The following CDH22 variants were observed in gnomAD, a reference collection of about 807,000 sequenced individuals.
CDH22 encodes the protein cadherin-22.
In CDH22, 30 loss-of-function variants were observed where a neutral mutation model predicts 58.4. That is an observed-to-expected ratio of 0.51 (90% CI 0.38 to 0.70). The LOEUF is 0.70. Ranked by LOEUF, CDH22 falls within the 30% of genes least tolerant of loss-of-function variation. CDH22 has a pLI of 0.00. For missense variants in CDH22, 1,014 were observed against 1,233.9 expected, an observed-to-expected ratio of 0.82 and a Z score of 2.67; for synonymous variants, 513 against 558.2, an observed-to-expected ratio of 0.92 and a Z score of 1.14.
rs114781895 is a variant in CDH22 at position 46,246,604 on chromosome 20, G to A, written c.255+4436C>T. Among the ~76,000 whole-genome samples, 890 of 152,296 alleles carry A rather than the reference G, an allele frequency of 5.8e-3. 7 individuals are homozygous for A. The highest frequency in any genetic ancestry group is 0.02 in the African/African-American group (851 of 41,544). On this transcript the variant is annotated intron_variant, in intron 2 of 11. Coordinates refer to ENST00000537909, the MANE Select transcript of CDH22 (RefSeq NM_021248.3). ...GGAGAGGTGGGCCAGGGTTGCCAAT[G>A]GGGGCAGGGCCGCGGAAGGAGCTGT...
intron 1 of CDH22, among the ~76,000 whole-genome samples, chr20:46,279,421 T>G (rs2086537788): frequency 6.6e-6 from 1 of 151,976 alleles, no homozygotes; most frequent in South Asian, 2.1e-4. Context: ...TAAAATGGAG[T>G]GTATTCATCT....
chr20:46,195,079 T>G (rs1471495189), intron 8 of CDH22, among the ~76,000 whole-genome samples: 1 of 152,224 alleles, frequency 6.6e-6, no homozygotes, highest in Non-Finnish European at 1.5e-5. Flanking sequence ...TCTGGTAAAC[T>G]AAGTATGATT....
intron 1 of CDH22, among the ~76,000 whole-genome samples, chr20:46,290,498 T>C (rs960205602): frequency 6.6e-6 from 1 of 152,218 alleles, no homozygotes; most frequent in African/African-American, 2.4e-5. Context: ...GAGGATTTAT[T>C]CATTCTCTGA....
intron 1 of CDH22, among the ~76,000 whole-genome samples, chr20:46,275,159 A>G (rs1365237044): frequency 1.3e-5 from 2 of 152,204 alleles, no homozygotes; most frequent in African/African-American, 4.8e-5. Context: ...CAGTGTTTCT[A>G]TAAGGCTCTA....
rs988821119 is a variant in CDH22, at chr20:46,174,192, T to C, written c.*314A>G. 20 of 389,694 alleles carry C rather than the reference T, an allele frequency of 5.1e-5. No homozygotes were observed. The highest frequency in any genetic ancestry group is 7.3e-5 in the Non-Finnish European group (16 of 219,310). The allele number at this position is 389,694 out of a possible 1,614,324, so 24.1% of individuals were successfully genotyped here. A position where few individuals can be genotyped will look rare whatever the true frequency, so the allele number is the denominator to read the frequency against. Reference sequence around the variant, plus strand: ...TCCAGCATTCTCCCCCAGGCCAGGATTGAGTGACCCGCCCCTTCCCGACTC... The same window carrying C: ...TCCAGCATTCTCCCCCAGGCCAGGACTGAGTGACCCGCCCCTTCCCGACTC... On this transcript the variant is annotated 3_prime_UTR_variant, in exon 12 of 12. Coordinates refer to ENST00000537909, the MANE Select transcript of CDH22 (RefSeq NM_021248.3). The surrounding 1 kb of genome is among the most constrained non-coding windows in gnomAD (Gnocchi z 4.4).
chr20:46,190,306 A>C (rs1372582157), intron 8 of CDH22, among the ~76,000 whole-genome samples: 1 of 152,216 alleles, frequency 6.6e-6, no homozygotes, highest in Non-Finnish European at 1.5e-5. Flanking sequence ...GAGGGGCAGG[A>C]GTTTCCCCAC....
rs187834394 is a variant in CDH22 at position 46,239,828 on chromosome 20, G to T, written c.550+1135C>A. Among the ~76,000 whole-genome samples the T allele has an allele frequency of 7.9e-5, 12 of 152,352 alleles. No homozygotes were observed. The East Asian group carries it at 2.3e-3, about 29-fold the overall frequency. On this transcript the variant is annotated intron_variant, in intron 3 of 11. Transcript: ENST00000537909. ...CCCCAGGAGCCCTGAGCTAAGTGGG[G>T]CCTTGATGGTCAGAAACGGTCTGGG...
intron 2 of CDH22, among the ~76,000 whole-genome samples, chr20:46,246,315 G>T (rs2086328561): frequency 6.6e-6 from 1 of 152,098 alleles, no homozygotes; most frequent in Non-Finnish European, 1.5e-5. Context: ...TTAAATATTA[G>T]CAACTTAATT....
At chr20:46,179,227 C>T (rs1449268764) in intron 10 of CDH22, among the ~76,000 whole-genome samples, 2 of 152,212 alleles carry the variant, frequency 1.3e-5, no homozygotes, top group Non-Finnish European at 2.9e-5. Context: ...CCTTCACAGC[C>T]AACTCTGCCA....
At chr20:46,265,479 G>A (rs550668330) in intron 1 of CDH22, among the ~76,000 whole-genome samples, 2 of 152,278 alleles carry the variant, frequency 1.3e-5, no homozygotes, top group Admixed American at 1.3e-4. Flanking sequence ...CTCCTCAGAA[G>A]CTCCTACTGT....
intron 1 of CDH22, among the ~76,000 whole-genome samples, chr20:46,271,551 A>C (rs1007789886): frequency 6.6e-6 from 1 of 151,012 alleles, no homozygotes; most frequent in Admixed American, 6.6e-5. Flanking sequence ...CTCACCTCCT[A>C]CTCTTCTCAG....
intron 10 of CDH22, among the ~76,000 whole-genome samples, chr20:46,183,291 A>C (rs2085801934): frequency 6.6e-6 from 1 of 152,234 alleles, no homozygotes; most frequent in Admixed American, 6.5e-5. Flanking sequence ...CTTTGACACA[A>C]TCAAGCCACG....
At chr20:46,255,627 C>T (rs1185139126) in intron 1 of CDH22, among the ~76,000 whole-genome samples, 1 of 152,206 alleles carries the variant, frequency 6.6e-6, no homozygotes, top group East Asian at 1.9e-4. Context: ...CCTCAGGCAT[C>T]TTGGCTAGGT....
chr20:46,186,361 T>C (rs567836966), intron 10 of CDH22, among the ~76,000 whole-genome samples: 81 of 151,996 alleles, frequency 5.3e-4, no homozygotes, highest in Admixed American at 2.2e-3. Context: ...TATCTTCCCA[T>C]CTGCCATTTC....
intron 1 of CDH22, among the ~76,000 whole-genome samples, chr20:46,298,722 T>C (rs1311767967): frequency 6.6e-6 from 1 of 152,056 alleles, no homozygotes; most frequent in Non-Finnish European, 1.5e-5. Flanking sequence ...GCTGGATGAA[T>C]AATCTCAGCT....
chr20:46,289,408 G>A (rs1016389096), intron 1 of CDH22, among the ~76,000 whole-genome samples: 44 of 152,166 alleles, frequency 2.9e-4, no homozygotes, highest in African/African-American at 1.0e-3. Context: ...GATTTTAGGG[G>A]TGTTGTCTTT....
intron 4 of CDH22, among the ~76,000 whole-genome samples, chr20:46,223,631 T>TTC (rs2086142136): frequency 1.4e-5 from 2 of 144,946 alleles, no homozygotes; most frequent in Admixed American, 6.7e-5. Flanking sequence ...TCTTTCTTTT[T>TTC]TCTTTCTTTC....
intron 1 of CDH22, among the ~76,000 whole-genome samples, chr20:46,259,087 G>A (rs1369801928): frequency 6.6e-6 from 1 of 152,128 alleles, no homozygotes; most frequent in Non-Finnish European, 1.5e-5. Context: ...CACAGCCTAG[G>A]GTAGAGACAT....
chr20:46,175,789 G>A lies in CDH22; in HGVS notation c.1916-712C>T, dbSNP rs186402515. 3.3e-5 allele frequency among the ~76,000 whole-genome samples: 5 copies of A among 152,306 alleles called. No homozygotes were observed. The East Asian group carries it at 9.6e-4, about 29-fold the overall frequency. ...TGGAGGGGAATCTGTGTTTTAACAA[G>A]ACCTGCAGACCTGAAGAGGCAGCTC... On this transcript the variant is annotated intron_variant, in intron 11 of 11. Transcript: ENST00000537909.
Sources: gnomAD v4.1 joint callset for allele counts (sites outside exome capture counted in the v4.1 genomes callset) on GRCh38, gnomAD v4.1.1 for gene constraint, Gnocchi (gnomAD v3.1) non-coding constraint, MANE v1.5 for transcripts, NCBI Gene and HGNC (gene_info 2026-07-23, HGNC 2026-07-21) for gene names.